BICC1: variants seen among roughly 807,000 people sequenced by gnomAD.
The protein encoded by BICC1 is BicC family RNA binding protein 1.
A neutral mutation model predicts 111.0 loss-of-function variants in BICC1; 43 were observed. The observed-to-expected ratio is 0.39, with a 90% confidence interval of 0.30 to 0.50. BICC1 has a LOEUF of 0.50. BICC1 is among the 20% of genes least tolerant of loss of function. BICC1 has a pLI of 0.88. For synonymous variants in BICC1, 467 were observed against 434.4 expected, an observed-to-expected ratio of 1.07 and a Z score of -0.93; for missense variants, 1,091 against 1,203.2, an observed-to-expected ratio of 0.91 and a Z score of 1.38.
chr10:58,653,694 A>G (rs900329597), intron 2 of BICC1, among the ~76,000 whole-genome samples: 2 of 149,594 alleles, frequency 1.3e-5, no homozygotes, highest in African/African-American at 2.5e-5. Flanking sequence ...TTTTTTTATT[A>G]TTATGCTTTA....
intron 3 of BICC1, chr10:58,716,121 A>G (rs1489558679): frequency 1.3e-6 from 2 of 1,501,044 alleles, no homozygotes; most frequent in Admixed American, 2.0e-5. Context: ...ATAAACCTTT[A>G]TCATCTGAGT....
chr10:58,679,386 C>T (rs777956705), intron 2 of BICC1, among the ~76,000 whole-genome samples: 8 of 152,088 alleles, frequency 5.3e-5, no homozygotes, highest in Admixed American at 2.0e-4. Flanking sequence ...TACAAACTAC[C>T]ATCAGAAAAT....
chr10:58,708,082 G>T (rs531200415), intron 3 of BICC1, among the ~76,000 whole-genome samples: 1 of 133,862 alleles, frequency 7.5e-6, no homozygotes, highest in South Asian at 2.5e-4. Context: ...GACCTCAAGT[G>T]ATCTGCCTGC....
At chr10:58,810,778 G>C (rs889801438) in intron 17 of BICC1, among the ~76,000 whole-genome samples, 3 of 152,098 alleles carry the variant, frequency 2.0e-5, no homozygotes, top group South Asian at 2.1e-4. Flanking sequence ...TTTTAAGTTG[G>C]AGAGTAGCTA....
chr10:58,809,886 T>G (rs9416745), intron 17 of BICC1, among the ~76,000 whole-genome samples: 99,949 of 152,074 alleles, frequency 0.66, 34,121 homozygotes, highest in Non-Finnish European at 0.74. Context: ...TTCCTAATGA[T>G]TTAACCCAAG....
intron 18 of BICC1, 39 bp downstream of exon 18, chr10:58,814,025 A>G: frequency 6.2e-7 from 1 of 1,610,158 alleles, no homozygotes; most frequent in Non-Finnish European, 8.5e-7. Flanking sequence ...AGGTATCCCC[A>G]GATTAGAATG....
At chr10:58,784,285 G>A (rs1324833807) in intron 3 of BICC1, among the ~76,000 whole-genome samples, 1 of 152,126 alleles carries the variant, frequency 6.6e-6, no homozygotes, top group African/African-American at 2.4e-5. Context: ...CTGGTACATA[G>A]TAGAAGTACA....
intron 4 of BICC1, among the ~76,000 whole-genome samples, chr10:58,785,684 A>G (rs112763563): frequency 4.0e-4 from 61 of 152,342 alleles, no homozygotes; most frequent in African/African-American, 1.4e-3. Context: ...CACTTATTGT[A>G]TACCAGGCAC....
At chr10:58,687,802 T>C in intron 2 of BICC1, among the ~76,000 whole-genome samples, 1 of 152,210 alleles carries the variant, frequency 6.6e-6, no homozygotes, top group East Asian at 1.9e-4. Context: ...GGGAATTCCC[T>C]GATCCTTTGT....
At chr10:58,647,832 T>C (rs1442940953) in intron 2 of BICC1, among the ~76,000 whole-genome samples, 1 of 151,960 alleles carries the variant, frequency 6.6e-6, no homozygotes, top group Non-Finnish European at 1.5e-5. Context: ...TCTGCAAACA[T>C]GAAACTAGCT....
intron 20 of BICC1, among the ~76,000 whole-genome samples, chr10:58,822,142 T>C (rs1389523213): frequency 6.6e-6 from 1 of 152,164 alleles, no homozygotes; most frequent in Non-Finnish European, 1.5e-5. Context: ...CGTGATTAAC[T>C]TATGCATTCA....
chr10:58,712,673 A>G (rs1840614334), intron 3 of BICC1, among the ~76,000 whole-genome samples: 1 of 152,212 alleles, frequency 6.6e-6, no homozygotes, highest in Non-Finnish European at 1.5e-5. Flanking sequence ...GGAGACAGTA[A>G]AAAGATCAGT....
At position 58,513,251 on chromosome 10, in the gene BICC1, C is replaced by T. The variant is rs921766642; in HGVS notation, c.108C>T (p.Val36=). ...SPVPGSEDDL[V]AGATLHSPEW... is the part of the protein sequence containing the mutation. ...TGCCCGGCTCCGAGGACGACTTGGTCGCCGGGGCGACCCTGCACAGCCCGG... is the reference window on the plus strand; with the variant it reads ...TGCCCGGCTCCGAGGACGACTTGGTTGCCGGGGCGACCCTGCACAGCCCGG... The change falls in exon 1 of 21, where the codon GTC becomes GTT. Residue 36 remains valine (V), a synonymous_variant. Coordinates refer to ENST00000373886, the MANE Select transcript of BICC1 (RefSeq NM_001080512.3). The T allele has an allele frequency of 1.9e-6, 3 of 1,613,020 alleles. No individual in the cohort carries two copies. The highest frequency in any genetic ancestry group is 1.1e-5 in the South Asian group (1 of 91,018).
chr10:58,810,812 T>A (rs1843878360), intron 17 of BICC1, among the ~76,000 whole-genome samples: 1 of 152,146 alleles, frequency 6.6e-6, no homozygotes, highest in Admixed American at 6.5e-5. Context: ...TTTTCTTACT[T>A]TTTCATTTTT....
In BICC1 at chr10:58,796,412, G is replaced by A; in HGVS notation, c.1252G>A (p.Glu418Lys). The change falls in exon 10 of 21, where the codon GAA becomes AAA. Residue 418 changes from glutamate to lysine, a missense_variant. By Grantham distance (56) the Glu-to-Lys change is moderately conservative. This residue lies in a region of BICC1 where 843 missense variants were observed against 900.8 expected (regional missense o/e 0.94). Coordinates refer to ENST00000373886, the MANE Select transcript of BICC1 (RefSeq NM_001080512.3). ...YEARKCLLGL[E>K]SSGVTIATSP... ...AGCAAGGAAATGTCTCCTCGGACTTGAAAGCAGTGGGGTTACCATAGCAAC... is the reference window on the plus strand; with the variant it reads ...AGCAAGGAAATGTCTCCTCGGACTTAAAAGCAGTGGGGTTACCATAGCAAC... 1 of 1,614,136 alleles carries A rather than the reference G, an allele frequency of 6.2e-7. No individual in the cohort carries two copies. Among genetic ancestry groups the A allele is most frequent in the Non-Finnish European group, 8.5e-7 (1 of 1,180,018 alleles).
At chr10:58,523,710 C>T (rs927413063) in intron 1 of BICC1, among the ~76,000 whole-genome samples, 10 of 152,050 alleles carry the variant, frequency 6.6e-5, no homozygotes, top group Admixed American at 2.6e-4. Context: ...CCAGGGCAAT[C>T]AGGCAGGAGA....
intron 1 of BICC1, among the ~76,000 whole-genome samples, chr10:58,516,643 G>A (rs1373262594): frequency 6.6e-6 from 1 of 152,046 alleles, no homozygotes; most frequent in South Asian, 2.1e-4. Flanking sequence ...TTTTTGATGG[G>A]TGTGGTAAGT....
At chr10:58,578,454 G>A (rs1049788956) in intron 1 of BICC1, among the ~76,000 whole-genome samples, 5 of 152,016 alleles carry the variant, frequency 3.3e-5, no homozygotes, top group Admixed American at 3.3e-4. Context: ...GTATTGTTCC[G>A]GCTAATCCAT....
intron 1 of BICC1, among the ~76,000 whole-genome samples, chr10:58,569,723 A>G (rs1017963293): frequency 5.3e-5 from 8 of 152,128 alleles, no homozygotes; most frequent in Non-Finnish European, 8.8e-5. Flanking sequence ...ACATGAACTT[A>G]TCCTTTTATA....
Sources: gnomAD v4.1 joint callset for allele counts (sites outside exome capture counted in the v4.1 genomes callset) on GRCh38, gnomAD v4.1.1 for gene constraint, gnomAD v4.1.1 regional missense constraint, MANE v1.5 for transcripts, NCBI Gene and HGNC (gene_info 2026-07-23, HGNC 2026-07-21) for gene names.